Variants in RCAN2 observed in about 807,000 individuals in gnomAD.
RCAN2 encodes regulator of calcineurin 2.
Under a neutral mutation model 23.6 loss-of-function variants are expected in RCAN2, and 9 were observed. The observed-to-expected ratio is 0.38, with a 90% confidence interval of 0.23 to 0.67. RCAN2 has a LOEUF of 0.67. Among genes scored for constraint, RCAN2 ranks in the 30% least tolerant of loss-of-function variants. RCAN2 has a pLI of 0.51. For synonymous variants in RCAN2, 109 were observed against 115.7 expected, an observed-to-expected ratio of 0.94 and a Z score of 0.37; for missense variants, 273 against 302.3, an observed-to-expected ratio of 0.90 and a Z score of 0.72.
At chr6:46,350,123 C>T (rs975838661) in intron 2 of RCAN2, among the ~76,000 whole-genome samples, 3 of 152,088 alleles carry the variant, frequency 2.0e-5, no homozygotes, top group Admixed American at 6.6e-5. Context: ...GTAAGATCCA[C>T]GAGGGCAGGA....
intron 2 of RCAN2, among the ~76,000 whole-genome samples, chr6:46,441,046 G>A (rs1484265783): frequency 1.3e-5 from 2 of 152,138 alleles, no homozygotes; most frequent in Non-Finnish European, 2.9e-5. Context: ...AAAAACACCT[G>A]GTTATTAGAA....
intron 2 of RCAN2, among the ~76,000 whole-genome samples, chr6:46,335,958 T>C (rs1038618936): frequency 6.6e-5 from 10 of 152,210 alleles, no homozygotes. Context: ...TTAGAGATGA[T>C]GTAATTTGCC....
Position 46,292,442 on chromosome 6 carries a change from T to TG in RCAN2, c.226-43547_226-43546insC, listed in dbSNP as rs903577897. On this transcript the variant is annotated intron_variant, in intron 2 of 4. Coordinates refer to ENST00000371374, the MANE Select transcript of RCAN2 (RefSeq NM_001251974.2). The stretch of plus-strand genomic sequence containing the variant: ...TGATTTGTTGTTTTTTTTTTTGTTT[T>TG]TTTTTTTGGTGGGGGGGTTGCCCTA... Among the ~76,000 whole-genome samples the TG allele has an allele frequency of 1.5e-4, 23 of 150,266 alleles. 1 individual carries two copies. Among genetic ancestry groups the TG allele is most frequent in the East Asian group, 3.9e-4 (2 of 5,182 alleles).
At chr6:46,259,970 C>G (rs574641135) in intron 2 of RCAN2, among the ~76,000 whole-genome samples, 5 of 152,340 alleles carry the variant, frequency 3.3e-5, no homozygotes, top group Non-Finnish European at 5.9e-5. Flanking sequence ...AGACCACGCT[C>G]TCAGTACCTC....
At position 46,288,594 on chromosome 6, in the gene RCAN2, C is replaced by T. The variant is rs769531638; in HGVS notation, c.226-39698G>A. On this transcript the variant is annotated intron_variant, in intron 2 of 4. Coordinates refer to ENST00000371374, the MANE Select transcript of RCAN2 (RefSeq NM_001251974.2). ...CTAAACATATTCAAAAAGTTATCTG[C>T]ATTTCTGAAGAAATAGAGAAGCAGA... 4.6e-4 allele frequency among the ~76,000 whole-genome samples: 70 copies of T among 152,232 alleles called. 1 individual carries two copies. Among genetic ancestry groups the T allele is most frequent in the Middle Eastern group, 3.2e-3 (1 of 316 alleles).
chr6:46,273,973 A>C (rs563673850), intron 2 of RCAN2, among the ~76,000 whole-genome samples: 2 of 152,148 alleles, frequency 1.3e-5, no homozygotes, highest in Admixed American at 6.5e-5. Flanking sequence ...GGCTGGGTAC[A>C]TAAGATGCTG....
chr6:46,382,601 C>T (rs1765640560), intron 2 of RCAN2, among the ~76,000 whole-genome samples: 1 of 152,156 alleles, frequency 6.6e-6, no homozygotes, highest in African/African-American at 2.4e-5. Context: ...CACCACATTG[C>T]ATATTTAGGA....
chr6:46,484,176 T>A (rs1313538463), intron 1 of RCAN2, among the ~76,000 whole-genome samples: 2 of 152,222 alleles, frequency 1.3e-5, no homozygotes, highest in African/African-American at 4.8e-5. Context: ...TCAAATTGGC[T>A]GTTTACCTCA....
intron 2 of RCAN2, among the ~76,000 whole-genome samples, chr6:46,267,752 T>A (rs1439028371): frequency 6.6e-6 from 1 of 152,174 alleles, no homozygotes; most frequent in Non-Finnish European, 1.5e-5. Context: ...AAACAAGAAA[T>A]ATTCATTTCC....
At chr6:46,380,630 T>C (rs1479150529) in intron 2 of RCAN2, among the ~76,000 whole-genome samples, 1 of 152,160 alleles carries the variant, frequency 6.6e-6, no homozygotes, top group African/African-American at 2.4e-5. Context: ...CACAGCAGGT[T>C]AAGAACCACT....
chr6:46,331,030 G>GT (rs1763951540), intron 2 of RCAN2, among the ~76,000 whole-genome samples: 1 of 152,078 alleles, frequency 6.6e-6, no homozygotes, highest in Non-Finnish European at 1.5e-5. Flanking sequence ...GCCTAGGTGC[G>GT]TTCATTTATT....
At chr6:46,254,092 T>C (rs1180095188) in intron 2 of RCAN2, among the ~76,000 whole-genome samples, 2 of 152,244 alleles carry the variant, frequency 1.3e-5, no homozygotes, top group East Asian at 3.8e-4. Context: ...CACTGATTCA[T>C]GCTAAAGTAC....
At chr6:46,292,259 A>G (rs1381223093) in intron 2 of RCAN2, among the ~76,000 whole-genome samples, 1 of 152,200 alleles carries the variant, frequency 6.6e-6, no homozygotes, top group Non-Finnish European at 1.5e-5. Context: ...TTGGCCCCCA[A>G]ATTAAGCAAG....
chr6:46,376,364 G>A (rs1045255645), intron 2 of RCAN2, among the ~76,000 whole-genome samples: 2 of 152,176 alleles, frequency 1.3e-5, no homozygotes, highest in African/African-American at 4.8e-5. Flanking sequence ...ATAAAAGTTG[G>A]GGCGAGCTGA....
intron 2 of RCAN2, among the ~76,000 whole-genome samples, chr6:46,404,206 A>G (rs1766336384): frequency 6.8e-6 from 1 of 146,770 alleles, no homozygotes; most frequent in Non-Finnish European, 1.5e-5. Flanking sequence ...TGGGCAACAG[A>G]GTAAGACTCT....
chr6:46,270,082 C>T (rs1470161887), intron 2 of RCAN2, among the ~76,000 whole-genome samples: 1 of 152,126 alleles, frequency 6.6e-6, no homozygotes, highest in African/African-American at 2.4e-5. Context: ...CTGGGCTGCT[C>T]ATCACAGCTT....
At position 46,221,977 on chromosome 6, in the gene RCAN2, T is replaced by G; in HGVS notation, c.*1164A>C. The stretch of plus-strand genomic sequence containing the variant: ...ACCGGCATACATGTAGCTATCATCC[T>G]TCCCCATTTTAACATGCTCAGCTGC... On this transcript the variant is annotated 3_prime_UTR_variant, in exon 5 of 5. Coordinates refer to ENST00000371374, the MANE Select transcript of RCAN2 (RefSeq NM_001251974.2). 1 of 398,582 alleles carries G rather than the reference T, an allele frequency of 2.5e-6. No individual in the cohort carries two copies. Among genetic ancestry groups the G allele is most frequent in the Non-Finnish European group, 4.4e-6 (1 of 226,030 alleles). 24.7% of individuals were successfully genotyped at this position (398,582 alleles called of 1,614,324 possible). A position where few individuals can be genotyped will look rare whatever the true frequency, so the allele number is the denominator to read the frequency against.
Position 46,321,808 on chromosome 6 carries a change from G to A in RCAN2, c.226-72912C>T, listed in dbSNP as rs114282783. 7.0e-3 allele frequency among the ~76,000 whole-genome samples: 1,062 copies of A among 152,336 alleles called. 12 individuals are homozygous for A. Among genetic ancestry groups the A allele is most frequent in the African/African-American group, 0.024 (1,018 of 41,580 alleles). On this transcript the variant is annotated intron_variant, in intron 2 of 4. Transcript: ENST00000371374. ...TGGAGAACTGAAGTGTTGGGTGAGC[G>A]TCAACATTTCTGACAGCTCAGAGAT... is the stretch of plus-strand genomic sequence containing the variant.
intron 2 of RCAN2, among the ~76,000 whole-genome samples, chr6:46,450,575 A>G (rs1767845986): frequency 6.6e-6 from 1 of 152,134 alleles, no homozygotes; most frequent in African/African-American, 2.4e-5. Context: ...TGGATAAAGA[A>G]AATGTGGTAT....
Sources: gnomAD v4.1 joint callset for allele counts (sites outside exome capture counted in the v4.1 genomes callset) on GRCh38, gnomAD v4.1.1 for gene constraint, MANE v1.5 for transcripts, NCBI Gene and HGNC (gene_info 2026-07-23, HGNC 2026-07-21) for gene names.